KLF5: variants seen among roughly 807,000 people sequenced by gnomAD.
KLF5 encodes Krueppel-like factor 5.
In KLF5, 9 loss-of-function variants were observed where a neutral mutation model predicts 36.9. The ratio of observed to expected loss-of-function variants is 0.24; its 90% CI spans 0.15 to 0.43. The LOEUF (loss-of-function observed/expected upper bound fraction) is 0.43, where lower values mean the gene tolerates loss of function less well. Among genes scored for constraint, KLF5 ranks in the 20% least tolerant of loss-of-function variants. The pLI, the probability that KLF5 is intolerant of heterozygous loss-of-function variation, is 1.00. For synonymous variants in KLF5, 246 were observed against 241.7 expected (o/e 1.02, Z -0.17); for missense variants, 524 against 599.5 (o/e 0.87, Z 1.31).
At chr13:73,064,833 C>T (rs530793760) in intron 3 of KLF5, among the ~76,000 whole-genome samples, 5 of 152,284 alleles carry the variant, frequency 3.3e-5, no homozygotes, top group African/African-American at 4.8e-5. Flanking sequence ...TGAGCCACCG[C>T]GCCCGACCAG....
At position 73,063,828 on chromosome 13, in the gene KLF5, C is replaced by T. The variant is rs2044658797; in HGVS notation, c.1140C>T (p.Cys380=). Residue 380 remains cysteine, a synonymous_variant, in exon 3 of 4, where the codon TGC becomes TGT. Transcript: ENST00000377687. The stretch of plus-strand genomic sequence containing the variant: ...TGCTGTTCTCCTTTATTTTAGGTTG[C>T]ACAAAAGTTTATACCAAGTCTTCTC... ...RRIHYCDYPG[C]TKVYTKSSHL... 6.2e-7 allele frequency: 1 copy of T among 1,602,432 alleles called. No individual in the cohort carries two copies.
At chr13:73,064,360 G>T (rs1366085162) in intron 3 of KLF5, among the ~76,000 whole-genome samples, 1 of 152,158 alleles carries the variant, frequency 6.6e-6, no homozygotes, top group Admixed American at 6.5e-5. Context: ...TATGTTTTCT[G>T]TGCTTGATGA....
upstream of KLF5, chr13:73,059,001 C>T (rs1022474309): frequency 5.4e-5 from 12 of 222,034 alleles, no homozygotes; most frequent in Non-Finnish European, 7.1e-5. Flanking sequence ...CGTCAAGTGT[C>T]AGTAGTCGCG....
At chr13:73,066,578 C>G (rs1265621930) in intron 3 of KLF5, among the ~76,000 whole-genome samples, 5 of 152,142 alleles carry the variant, frequency 3.3e-5, no homozygotes, top group Non-Finnish European at 5.9e-5. Context: ...TTTAAAATGT[C>G]AAGTTACCTT....
chr13:73,068,913 TA>T (rs2044702221), intron 3 of KLF5, among the ~76,000 whole-genome samples: 1 of 151,750 alleles, frequency 6.6e-6, no homozygotes, highest in Non-Finnish European at 1.5e-5. Flanking sequence ...CTGGCCAACA[TA>T]GTGAAACCCT....
chr13:73,071,248 CG>C (rs2044720162), intron 3 of KLF5, among the ~76,000 whole-genome samples: 1 of 152,124 alleles, frequency 6.6e-6, no homozygotes, highest in South Asian at 2.1e-4. Context: ...AGTGAGGTAT[CG>C]GATTTTAAAG....
intron 3 of KLF5, 97 bp from the exon 4 acceptor site, chr13:73,075,611 C>T: frequency 1.8e-6 from 2 of 1,094,608 alleles, no homozygotes; most frequent in Non-Finnish European, 1.3e-6. Context: ...TTTCGCTTGG[C>T]CAAGATTTTT....
chr13:73,076,213 T>C lies in KLF5; in HGVS notation c.*327T>C, dbSNP rs1277306849. ...CAGCGTTTTTACCTAGGCACCATCA[T>C]TTAATGTGACAGTGTTCAGTAAACA... On this transcript the variant is annotated 3_prime_UTR_variant, in exon 4 of 4. Coordinates refer to ENST00000377687, the MANE Select transcript of KLF5 (RefSeq NM_001730.5). 9.1e-6 allele frequency: 2 copies of C among 219,216 alleles called. No individual in the cohort carries two copies. Among genetic ancestry groups the C allele is most frequent in the African/African-American group, 4.5e-5 (2 of 43,968 alleles). 13.6% of individuals were successfully genotyped at this position (219,216 alleles called of 1,614,324 possible). A position where few individuals can be genotyped will look rare whatever the true frequency, so the allele number is the denominator to read the frequency against.
Position 73,077,034 on chromosome 13 carries a change from AAACTT to A in KLF5, c.*1151_*1155del, listed in dbSNP as rs1432890172. 4 of 152,728 alleles carry A rather than the reference AAACTT, an allele frequency of 2.6e-5. No homozygotes were observed. In the South Asian group the frequency reaches 6.2e-4, roughly 24 times the overall value. 9.5% of individuals were successfully genotyped at this position (152,728 alleles called of 1,614,324 possible). ...CCTTTAAATATAAATGATATGTTGA[AAACTT>A]AAGGAAGCAAATGCTACATATATGC... On this transcript the variant is annotated 3_prime_UTR_variant, in exon 4 of 4. Transcript: ENST00000377687.
intron 3 of KLF5, among the ~76,000 whole-genome samples, chr13:73,075,436 A>T (rs1329733698): frequency 6.6e-6 from 1 of 152,164 alleles, no homozygotes; most frequent in African/African-American, 2.4e-5. Flanking sequence ...TTCGTTTTGT[A>T]CTTGTCTAAA....
Position 73,059,545 on chromosome 13 carries a change from C to A in KLF5, c.218C>A (p.Pro73Gln). Residue 73 changes from proline (P) to glutamine (Q), a missense_variant, in exon 1 of 4, where the codon CCG (proline) becomes CAG (glutamine). Physicochemically the swap from Pro to Gln is moderately conservative, Grantham distance 76. Coordinates refer to ENST00000377687, the MANE Select transcript of KLF5 (RefSeq NM_001730.5). ...APAQAPQPAQ[P>Q]PATGPRLPPE... ...GCGCAGGCCCCGCAGCCGGCCCAGC[C>A]GCCCGCCACCGGCCCGCGGCTGCCT... 8.5e-7 allele frequency: 1 copy of A among 1,176,118 alleles called. No individual in the cohort carries two copies. The highest frequency in any genetic ancestry group is 1.0e-6 in the Non-Finnish European group (1 of 956,182). 72.9% of individuals were successfully genotyped at this position (1,176,118 alleles called of 1,614,324 possible).
At chr13:73,063,801 C>T in intron 2 of KLF5, 23 bp from the exon 3 acceptor site, 1 of 1,541,700 alleles carries the variant, frequency 6.5e-7, no homozygotes, top group Non-Finnish European at 9.0e-7. Flanking sequence ...TCCAAAATGA[C>T]ATGCTGTTCT....
chr13:73,062,794 T>C, intron 2 of KLF5, 60 bp downstream of exon 2: 1 of 1,484,532 alleles, frequency 6.7e-7, no homozygotes, highest in South Asian at 1.2e-5. Flanking sequence ...TGTGTGTCTG[T>C]GTGCGCGCGC....
chr13:73,071,855 G>T (rs1453662177), intron 3 of KLF5, among the ~76,000 whole-genome samples: 1 of 152,138 alleles, frequency 6.6e-6, no homozygotes, highest in Non-Finnish European at 1.5e-5. Context: ...CAAGATACAA[G>T]ATTTTAAGTT....
In KLF5 at chr13:73,059,402, G is replaced by A; in HGVS notation, c.75G>A (p.Pro25=). 3 of 1,399,480 alleles carry A rather than the reference G, an allele frequency of 2.1e-6. No homozygotes were observed. The highest frequency in any genetic ancestry group is 1.5e-5 in the South Asian group (1 of 66,112). The allele number at this position is 1,399,480 out of a possible 1,614,324, so 86.7% of individuals were successfully genotyped here. A position where few individuals can be genotyped will look rare whatever the true frequency, so the allele number is the denominator to read the frequency against. The change falls in exon 1 of 4, where the codon CCG becomes CCA. Residue 25 remains proline, a synonymous_variant. Transcript: ENST00000377687. ...VPQPPAPQDE[P]VFAQLKPVLG... is the part of the protein sequence containing the mutation. ...AGCCGCCGGCGCCGCAGGACGAGCCGGTGTTCGCGCAGCTCAAGCCGGTGC... is the reference window on the plus strand; with the variant it reads ...AGCCGCCGGCGCCGCAGGACGAGCCAGTGTTCGCGCAGCTCAAGCCGGTGC...
intron 3 of KLF5, among the ~76,000 whole-genome samples, chr13:73,072,684 GATA>G (rs2044730764): frequency 2.6e-5 from 4 of 152,212 alleles, no homozygotes; most frequent in Non-Finnish European, 5.9e-5. Flanking sequence ...GAGGAAGCGA[GATA>G]ATGAGAAGTA....
At chr13:73,075,145 T>A (rs755397687) in intron 3 of KLF5, 3 of 152,234 alleles carry the variant, frequency 2.0e-5, no homozygotes, top group South Asian at 2.1e-4. Context: ...GTGAACTGAT[T>A]GATGAGCTGC....
chr13:73,060,496 T>G (rs2044626611), intron 1 of KLF5: 1 of 152,248 alleles, frequency 6.6e-6, no homozygotes, highest in African/African-American at 2.4e-5. Context: ...TAGTAGCTCT[T>G]TGGCGTGTCG....
Position 73,062,357 on chromosome 13 carries a change from A to G in KLF5, c.758A>G (p.Asn253Ser). 1.2e-6 allele frequency: 2 copies of G among 1,614,124 alleles called. No homozygotes were observed. The highest frequency in any genetic ancestry group is 8.5e-7 in the Non-Finnish European group (1 of 1,180,028). ...TNQTAAMDTLNVSMSAAMAGL... is the reference protein window; with the variant it reads ...TNQTAAMDTLSVSMSAAMAGL... ...CAGACAGCAGCAATGGACACTCTTA[A>G]TGTTTCTATGTCAGCTGCCATGGCA... Residue 253 changes from asparagine to serine, a missense_variant, in exon 2 of 4, where the codon AAT becomes AGT. Coordinates refer to ENST00000377687, the MANE Select transcript of KLF5 (RefSeq NM_001730.5).
Sources: gnomAD v4.1 joint callset for allele counts (sites outside exome capture counted in the v4.1 genomes callset) on GRCh38, gnomAD v4.1.1 for gene constraint, MANE v1.5 for transcripts, NCBI Gene and HGNC (gene_info 2026-07-23, HGNC 2026-07-21) for gene names.